The following ERC2 variants were observed in gnomAD, a reference collection of about 807,000 sequenced individuals.
ERC2 encodes the protein ERC protein 2.
ERC2 carries 42 observed loss-of-function variants against 114.8 expected under a neutral mutation model. The ratio of observed to expected loss-of-function variants is 0.37; its 90% CI spans 0.29 to 0.47. ERC2 has a LOEUF of 0.47. Among genes scored for constraint, ERC2 ranks in the 20% least tolerant of loss-of-function variants. ERC2 has a pLI of 0.99. For missense variants in ERC2, 939 were observed against 1,150.7 expected (o/e 0.82, Z 2.66); for synonymous variants, 454 against 425.5 (o/e 1.07, Z -0.82).
intron 2 of ERC2, among the ~76,000 whole-genome samples, chr3:56,413,690 T>G (rs1331520337): frequency 6.6e-6 from 1 of 152,198 alleles, no homozygotes; most frequent in Non-Finnish European, 1.5e-5. Context: ...ATGTGTATGA[T>G]AAGCTATATT....
intron 17 of ERC2, among the ~76,000 whole-genome samples, chr3:55,584,511 G>T (rs1237978741): frequency 6.6e-6 from 1 of 151,946 alleles, no homozygotes; most frequent in Non-Finnish European, 1.5e-5. Context: ...TTTCCACTTA[G>T]ATGAGGTTCT....
chr3:55,544,806 C>T (rs1411019761), intron 17 of ERC2, among the ~76,000 whole-genome samples: 1 of 152,194 alleles, frequency 6.6e-6, no homozygotes, highest in South Asian at 2.1e-4. Flanking sequence ...CTGCCTGTTA[C>T]GTGCCTGACT....
intron 13 of ERC2, among the ~76,000 whole-genome samples, chr3:55,947,778 G>A (rs2067225408): frequency 6.6e-6 from 1 of 152,266 alleles, no homozygotes; most frequent in Middle Eastern, 3.4e-3. Flanking sequence ...TGCGTTTTGG[G>A]TGATTTGTTG....
At chr3:56,254,088 G>C (rs1176748660) in intron 3 of ERC2, among the ~76,000 whole-genome samples, 1 of 152,246 alleles carries the variant, frequency 6.6e-6, no homozygotes, top group Non-Finnish European at 1.5e-5. Context: ...TGGATTGGGA[G>C]AGGGCTAGCG....
At chr3:55,918,235 T>C (rs556268353) in intron 13 of ERC2, among the ~76,000 whole-genome samples, 2 of 152,274 alleles carry the variant, frequency 1.3e-5, no homozygotes, top group Middle Eastern at 3.4e-3. Context: ...AATGTATATC[T>C]AGGAGTAAGA....
Position 55,721,459 on chromosome 3 carries a change from C to T in ERC2, c.2712+13312G>A, listed in dbSNP as rs535634234. ...GCCTTGTCATAGATCAAGTACTTAA[C>T]GTACTATGTGTGAATGCACTGGAAT... On this transcript the variant is annotated intron_variant, in intron 15 of 17. Transcript: ENST00000288221. Among the ~76,000 whole-genome samples, 13 of 152,362 alleles carry T rather than the reference C, an allele frequency of 8.5e-5. 1 individual carries two copies. The highest frequency in any genetic ancestry group is 2.9e-4 in the African/African-American group (12 of 41,586).
intron 2 of ERC2, among the ~76,000 whole-genome samples, chr3:56,409,722 C>T (rs1212809714): frequency 6.6e-6 from 1 of 152,192 alleles, no homozygotes; most frequent in African/African-American, 2.4e-5. Context: ...ACCACTACAG[C>T]CCCTAGTGAC....
chr3:56,101,600 C>T (rs2078362220), intron 6 of ERC2, among the ~76,000 whole-genome samples: 1 of 152,136 alleles, frequency 6.6e-6, no homozygotes, highest in African/African-American at 2.4e-5. Context: ...GAAAATCAAC[C>T]GGGCCTCCCC....
chr3:56,386,668 G>A (rs967275337), intron 2 of ERC2, among the ~76,000 whole-genome samples: 14 of 152,182 alleles, frequency 9.2e-5, no homozygotes, highest in African/African-American at 3.1e-4. Flanking sequence ...TACCTCTACT[G>A]GTTTTCCTCG....
chr3:56,370,269 A>G (rs564066248), intron 2 of ERC2, among the ~76,000 whole-genome samples: 20 of 152,328 alleles, frequency 1.3e-4, no homozygotes, highest in African/African-American at 4.6e-4. Flanking sequence ...AAAGTTATTA[A>G]TAATACTACC....
At chr3:56,018,838 T>C in intron 8 of ERC2, 56 bp downstream of exon 8, 1 of 1,575,626 alleles carries the variant, frequency 6.3e-7, no homozygotes. Flanking sequence ...GGGATCAACT[T>C]TCCCCAACTC....
intron 2 of ERC2, among the ~76,000 whole-genome samples, chr3:56,318,899 C>G (rs1316102234): frequency 6.9e-6 from 1 of 143,946 alleles, no homozygotes; most frequent in Non-Finnish European, 1.5e-5. Context: ...GGAGTCAAGG[C>G]TTCAGTGAGT....
At chr3:55,875,104 C>T (rs2062765628) in intron 14 of ERC2, among the ~76,000 whole-genome samples, 2 of 152,128 alleles carry the variant, frequency 1.3e-5, no homozygotes, top group Admixed American at 1.3e-4. Context: ...AGAGGGGAAG[C>T]AGAGAATAAC....
intron 3 of ERC2, among the ~76,000 whole-genome samples, chr3:56,179,909 C>G (rs560961880): frequency 6.6e-6 from 1 of 152,152 alleles, no homozygotes; most frequent in African/African-American, 2.4e-5. Flanking sequence ...AGTGAATAGA[C>G]AGTATTTAAA....
chr3:55,768,123 T>C (rs2149015873), intron 14 of ERC2, among the ~76,000 whole-genome samples: 1 of 152,342 alleles, frequency 6.6e-6, no homozygotes, highest in Middle Eastern at 3.4e-3. Flanking sequence ...GTAAGTTTCC[T>C]GAGGTCTCCC....
rs1005420549 is a variant in ERC2, at chr3:55,981,994, T to C, written c.2267+3983A>G. Among the ~76,000 whole-genome samples the C allele has an allele frequency of 2.0e-5, 3 of 152,148 alleles. No individual in the cohort carries two copies. In the South Asian group the frequency reaches 6.2e-4, roughly 32 times the overall value. ...TCAGTGGGCTCAGGGAAGGCTTTGG[T>C]GGAAGAGGCAACTCCTGCCCTGGCT... On this transcript the variant is annotated intron_variant, in intron 12 of 17. Coordinates refer to ENST00000288221, the MANE Select transcript of ERC2 (RefSeq NM_015576.3).
chr3:56,151,790 T>C (rs1560264608), intron 4 of ERC2, among the ~76,000 whole-genome samples: 1 of 152,152 alleles, frequency 6.6e-6, no homozygotes, highest in Non-Finnish European at 1.5e-5. Flanking sequence ...GTTGAGATGC[T>C]AAATGCACAT....
intron 14 of ERC2, among the ~76,000 whole-genome samples, chr3:55,755,741 G>T (rs1027092407): frequency 1.3e-5 from 2 of 152,080 alleles, no homozygotes; most frequent in Admixed American, 1.3e-4. Flanking sequence ...ACCACCTAGT[G>T]ACCTCTAAAA....
At chr3:55,799,421 T>C (rs925530335) in intron 14 of ERC2, among the ~76,000 whole-genome samples, 2 of 129,642 alleles carry the variant, frequency 1.5e-5, no homozygotes, top group Non-Finnish European at 3.1e-5. Context: ...CTTATATATA[T>C]GCATATATAT....
Sources: allele counts gnomAD v4.1 joint callset (sites outside exome capture counted in the v4.1 genomes callset), GRCh38; gene constraint gnomAD v4.1.1; transcripts MANE v1.5; gene names NCBI Gene and HGNC (gene_info 2026-07-23, HGNC 2026-07-21).